The following FAF1 variants were observed in gnomAD, a reference collection of about 807,000 sequenced individuals.
The protein encoded by FAF1 is FAS-associated factor 1.
FAF1 carries 25 observed loss-of-function variants against 92.5 expected under a neutral mutation model. The observed-to-expected ratio is 0.27, with a 90% confidence interval of 0.20 to 0.38. The LOEUF is 0.38. FAF1 is among the 10% of genes least tolerant of loss of function. The pLI, the probability that FAF1 is intolerant of heterozygous loss-of-function variation, is 1.00. For synonymous variants in FAF1, 234 were observed against 273.2 expected (o/e 0.86, Z 1.42); for missense variants, 636 against 793.3 (o/e 0.80, Z 2.38).
At chr1:50,815,560 T>C (rs776897221) in intron 2 of FAF1, among the ~76,000 whole-genome samples, 23 of 152,222 alleles carry the variant, frequency 1.5e-4, no homozygotes, top group Non-Finnish European at 2.6e-4. Flanking sequence ...TCTGGATATA[T>C]ACCTAGTAAT....
At chr1:50,473,757 A>C (rs1236923814) in intron 18 of FAF1, among the ~76,000 whole-genome samples, 2 of 152,206 alleles carry the variant, frequency 1.3e-5, no homozygotes, top group Non-Finnish European at 2.9e-5. Flanking sequence ...GATCCACTAC[A>C]GTCTCCTGGG....
At chr1:50,683,155 G>T (rs533491123) in intron 7 of FAF1, among the ~76,000 whole-genome samples, 18 of 152,172 alleles carry the variant, frequency 1.2e-4, no homozygotes, top group Admixed American at 1.1e-3. Flanking sequence ...TAGAAAAACA[G>T]TATTTTAAAA....
chr1:50,689,184 T>C (rs1656802385), intron 7 of FAF1, among the ~76,000 whole-genome samples: 1 of 152,246 alleles, frequency 6.6e-6, no homozygotes, highest in Non-Finnish European at 1.5e-5. Flanking sequence ...CTAAATTTTG[T>C]TATGTATATT....
chr1:50,878,533 T>C (rs947167014), intron 1 of FAF1, among the ~76,000 whole-genome samples: 4 of 152,184 alleles, frequency 2.6e-5, no homozygotes, highest in Non-Finnish European at 5.9e-5. Flanking sequence ...AGTAACAGAA[T>C]TCTGAAATTA....
intron 7 of FAF1, among the ~76,000 whole-genome samples, chr1:50,699,401 T>C (rs989900881): frequency 3.3e-5 from 5 of 152,078 alleles, no homozygotes; most frequent in African/African-American, 4.8e-5. Context: ...ACAACAGAAC[T>C]GTGTGAAAAT....
At chr1:50,741,820 T>C (rs1659399269) in intron 5 of FAF1, among the ~76,000 whole-genome samples, 1 of 152,188 alleles carries the variant, frequency 6.6e-6, no homozygotes, top group Admixed American at 6.5e-5. Context: ...AGATATGGGA[T>C]AGGAGGGAAA....
chr1:50,488,369 T>C (rs771461793), intron 17 of FAF1, among the ~76,000 whole-genome samples: 1 of 152,218 alleles, frequency 6.6e-6, no homozygotes, highest in South Asian at 2.1e-4. Context: ...AATCATCAGA[T>C]GAAATTACAT....
intron 6 of FAF1, among the ~76,000 whole-genome samples, chr1:50,733,477 TA>T (rs1444658266): frequency 6.6e-6 from 1 of 152,226 alleles, no homozygotes; most frequent in Non-Finnish European, 1.5e-5. Context: ...GTTGACTCTC[TA>T]ACACCCACTG....
At chr1:50,871,792 G>C (rs907696357) in intron 1 of FAF1, among the ~76,000 whole-genome samples, 1 of 152,192 alleles carries the variant, frequency 6.6e-6, no homozygotes, top group Non-Finnish European at 1.5e-5. Context: ...CATGGGTCAA[G>C]GATTATTTTT....
chr1:50,511,068 G>C (rs769316190), intron 15 of FAF1, among the ~76,000 whole-genome samples: 29 of 152,114 alleles, frequency 1.9e-4, no homozygotes, highest in Non-Finnish European at 4.0e-4. Flanking sequence ...CATCAAATGG[G>C]AAAAATTATG....
intron 15 of FAF1, among the ~76,000 whole-genome samples, chr1:50,526,641 C>T (rs1647820853): frequency 6.6e-6 from 1 of 151,736 alleles, no homozygotes; most frequent in Admixed American, 6.6e-5. Context: ...CTACTATAAA[C>T]AGTCATGTAC....
intron 15 of FAF1, among the ~76,000 whole-genome samples, chr1:50,518,966 A>G (rs575306895): frequency 1.3e-5 from 2 of 152,192 alleles, no homozygotes; most frequent in East Asian, 3.9e-4. Context: ...TGTGTATTTT[A>G]GCATACAAGC....
At chr1:50,675,851 A>T (rs1656094555) in intron 7 of FAF1, among the ~76,000 whole-genome samples, 5 of 152,238 alleles carry the variant, frequency 3.3e-5, no homozygotes, top group Admixed American at 3.3e-4. Context: ...AAGGTATAAG[A>T]GGCCATTATA....
intron 4 of FAF1, among the ~76,000 whole-genome samples, chr1:50,775,614 T>A (rs565270613): frequency 1.3e-5 from 2 of 152,048 alleles, no homozygotes; most frequent in South Asian, 4.2e-4. Flanking sequence ...GAAAGGCACA[T>A]GAGGAGATGC....
intron 13 of FAF1, 27 bp downstream of exon 13, chr1:50,567,050 C>T (rs936159611): frequency 2.0e-6 from 3 of 1,488,188 alleles, no homozygotes; most frequent in Non-Finnish European, 2.7e-6. Flanking sequence ...AGAAGCCCAA[C>T]TTGTAACTTG....
intron 4 of FAF1, among the ~76,000 whole-genome samples, chr1:50,775,411 T>C (rs1239649585): frequency 6.6e-6 from 1 of 152,094 alleles, no homozygotes; most frequent in African/African-American, 2.4e-5. Context: ...TTAAAATCCA[T>C]GTTTAAAGCA....
At chr1:50,848,261 T>A (rs1420700781) in intron 2 of FAF1, among the ~76,000 whole-genome samples, 1 of 152,348 alleles carries the variant, frequency 6.6e-6, no homozygotes, top group African/African-American at 2.4e-5. Flanking sequence ...CAAAATATTA[T>A]GTTCCTGGCA....
At chr1:50,653,178 A>C (rs997272283) in intron 8 of FAF1, among the ~76,000 whole-genome samples, 14 of 152,096 alleles carry the variant, frequency 9.2e-5, no homozygotes, top group Admixed American at 6.5e-4. Flanking sequence ...AAAACAACAA[A>C]AAAAAAACCA....
intron 1 of FAF1, among the ~76,000 whole-genome samples, chr1:50,948,170 A>G (rs1303843711): frequency 1.1e-4 from 17 of 152,236 alleles, no homozygotes; most frequent in Non-Finnish European, 1.5e-5. Flanking sequence ...GAAACTTTCC[A>G]AAGGAACATG....
Sources: allele counts gnomAD v4.1 joint callset (sites outside exome capture counted in the v4.1 genomes callset), GRCh38; gene constraint gnomAD v4.1.1; transcripts MANE v1.5; gene names NCBI Gene and HGNC (gene_info 2026-07-23, HGNC 2026-07-21).